The following JAML variants were observed in gnomAD, a reference collection of about 807,000 sequenced individuals.
The protein encoded by JAML is junctional adhesion molecule-like.
In JAML, 25 loss-of-function variants were observed where a neutral mutation model predicts 39.3. That is an observed-to-expected ratio of 0.64 (90% CI 0.46 to 0.89). JAML has a LOEUF of 0.89. Ranked by LOEUF, JAML falls within the 40% of genes least tolerant of loss-of-function variation. The pLI, the probability that JAML is intolerant of heterozygous loss-of-function variation, is 0.00. For missense variants in JAML, 440 were observed against 486.9 expected (o/e 0.90, Z 0.91); for synonymous variants, 162 against 179.2 (o/e 0.90, Z 0.77).
chr11:118,220,566 G>A (rs1360954887), intron 1 of JAML, among the ~76,000 whole-genome samples: 4 of 152,152 alleles, frequency 2.6e-5, no homozygotes, highest in Non-Finnish European at 4.4e-5. Context: ...GTAATACAGC[G>A]TGGTCCCTAT....
At chr11:118,220,287 T>C (rs1279260805) in intron 1 of JAML, among the ~76,000 whole-genome samples, 2 of 152,130 alleles carry the variant, frequency 1.3e-5, no homozygotes, top group East Asian at 3.8e-4. Context: ...TGCAGAGAAG[T>C]CTTTCTGATA....
At chr11:118,197,024 GA>G (rs1948673093) in intron 8 of JAML, 1 of 507,492 alleles carries the variant, frequency 2.0e-6, no homozygotes, top group Non-Finnish European at 3.5e-6. Context: ...ACAGTCTTAA[GA>G]ACCAAACTCT....
At chr11:118,205,831 A>T in intron 5 of JAML, 51 bp downstream of exon 5, 5 of 1,531,534 alleles carry the variant, frequency 3.3e-6, no homozygotes, top group Non-Finnish European at 4.5e-6. Context: ...CTTTGTCCTG[A>T]TACCATCAGC....
chr11:118,213,239 GA>G, intron 2 of JAML: 1 of 1,245,552 alleles, frequency 8.0e-7, no homozygotes, highest in South Asian at 2.3e-5. Flanking sequence ...GTCACTACAA[GA>G]AAAAACCATT....
At chr11:118,200,240 G>C (rs190479391) in intron 7 of JAML, among the ~76,000 whole-genome samples, 209 of 152,292 alleles carry the variant, frequency 1.4e-3, no homozygotes, top group Middle Eastern at 6.8e-3. Flanking sequence ...ATTTCTAAGG[G>C]AGTTTGTAGT....
At chr11:118,196,069 G>C (rs1462669970) in intron 9 of JAML, among the ~76,000 whole-genome samples, 4 of 151,438 alleles carry the variant, frequency 2.6e-5, no homozygotes, top group Non-Finnish European at 1.5e-5. Context: ...CTGACCTCAA[G>C]TGATCCACCT....
chr11:118,194,372 CA>C lies in JAML; in HGVS notation c.1137del (p.Glu380LysfsTer81), dbSNP rs776782688. The C allele has an allele frequency of 2.3e-4, 375 of 1,614,084 alleles. No homozygotes were observed. The highest frequency in any genetic ancestry group is 3.7e-5 in the Non-Finnish European group (44 of 1,179,990). On this transcript the variant is annotated frameshift_variant, in exon 10 of 10. Coordinates refer to ENST00000356289, the MANE Select transcript of JAML (RefSeq NM_001098526.2). LOFTEE classifies it low-confidence loss of function (END_TRUNC). ...PSLRSDRNNS[L>X]EKKSGGGMPK... is the part of the protein sequence containing the mutation. Reference sequence around the variant, plus strand: ...GGCATTCCCCCACCTGACTTTTTTTCAAGTGAGTTGTTCCGATCTGACCTCA... The same window carrying C: ...GGCATTCCCCCACCTGACTTTTTTTCAGTGAGTTGTTCCGATCTGACCTCA...
intron 3 of JAML, among the ~76,000 whole-genome samples, chr11:118,210,934 C>T (rs1424179008): frequency 6.6e-6 from 1 of 152,248 alleles, no homozygotes; most frequent in Non-Finnish European, 1.5e-5. Flanking sequence ...ATGCAGTCCA[C>T]ATTTTATTTC....
At chr11:118,198,454 C>T (rs929443828) in intron 7 of JAML, among the ~76,000 whole-genome samples, 7 of 152,000 alleles carry the variant, frequency 4.6e-5, no homozygotes, top group Non-Finnish European at 1.0e-4. Context: ...CAGGGAGTGC[C>T]GCGAAACCAG....
chr11:118,200,633 A>G, intron 6 of JAML, 21 bp from the exon 7 acceptor site: 5 of 1,614,012 alleles, frequency 3.1e-6, no homozygotes, highest in Non-Finnish European at 4.2e-6. Context: ...TAGAAAAGCA[A>G]GGAGAGGGTC....
chr11:118,200,821 G>A (rs924944477), intron 6 of JAML: 9 of 509,096 alleles, frequency 1.8e-5, no homozygotes, highest in African/African-American at 1.7e-4. Flanking sequence ...GTAGATTAAG[G>A]TGGGTGGGAG....
chr11:118,223,094 CAAA>C (rs56175225), intron 1 of JAML, among the ~76,000 whole-genome samples: 971 of 93,170 alleles, frequency 0.01, 6 homozygotes, highest in African/African-American at 0.034. Flanking sequence ...GACTCTGTCT[CAAA>C]AAAAAAAAAA....
intron 8 of JAML, 192 bp from the exon 9 acceptor site, chr11:118,197,013 C>T (rs1591456598): frequency 1.1e-5 from 6 of 545,920 alleles, no homozygotes; most frequent in Non-Finnish European, 1.6e-5. Context: ...TGTCAAAGAA[C>T]ACAGTCTTAA....
chr11:118,220,537 A>G (rs1949199284), intron 1 of JAML, among the ~76,000 whole-genome samples: 1 of 152,208 alleles, frequency 6.6e-6, no homozygotes, highest in Non-Finnish European at 1.5e-5. Flanking sequence ...TCTCAAAAAG[A>G]AACATCTACT....
intron 2 of JAML, chr11:118,213,299 C>T: frequency 9.5e-7 from 1 of 1,052,778 alleles, no homozygotes; most frequent in Non-Finnish European, 1.1e-6. Context: ...AAAGAGACAA[C>T]AAAATCAAGA....
chr11:118,218,260 A>C (rs1381217910), intron 1 of JAML, among the ~76,000 whole-genome samples: 4 of 151,986 alleles, frequency 2.6e-5, no homozygotes, highest in Admixed American at 1.3e-4. Flanking sequence ...TGCCTGGCTA[A>C]TTTTGTACTT....
chr11:118,212,332 T>A, intron 3 of JAML, 75 bp downstream of exon 3: 1 of 1,530,208 alleles, frequency 6.5e-7, no homozygotes, highest in Non-Finnish European at 8.8e-7. Context: ...ACCTGATGCC[T>A]GACTCTTACA....
intron 5 of JAML, chr11:118,203,884 A>G (rs1373889256): frequency 5.7e-6 from 3 of 530,106 alleles, no homozygotes; most frequent in East Asian, 3.0e-5. Context: ...CAGTTTTTCC[A>G]TCTGAATGGA....
intron 8 of JAML, chr11:118,197,735 G>A (rs1565472512): frequency 2.5e-6 from 1 of 402,660 alleles, no homozygotes; most frequent in East Asian, 4.6e-5. Flanking sequence ...TCAGGGAGGT[G>A]GCAGATCTTA....
Sources: gnomAD v4.1 joint callset for allele counts (sites outside exome capture counted in the v4.1 genomes callset) on GRCh38, gnomAD v4.1.1 for gene constraint, MANE v1.5 for transcripts, NCBI Gene and HGNC (gene_info 2026-07-23, HGNC 2026-07-21) for gene names.